Variants in GPHN observed in about 807,000 individuals in gnomAD.
The protein encoded by GPHN is gephyrin.
A neutral mutation model predicts 95.5 loss-of-function variants in GPHN; 17 were observed. The ratio of observed to expected loss-of-function variants is 0.18; its 90% CI spans 0.12 to 0.27. The LOEUF (loss-of-function observed/expected upper bound fraction) is 0.27. Among genes scored for constraint, GPHN ranks in the 10% least tolerant of loss-of-function variants. The pLI is 1.00. For missense variants in GPHN, 660 were observed against 978.1 expected, an observed-to-expected ratio of 0.67 and a Z score of 4.34; for synonymous variants, 320 against 322.5, an observed-to-expected ratio of 0.99 and a Z score of 0.08.
At chr14:66,658,717 A>G (rs1296647845) in intron 1 of GPHN, among the ~76,000 whole-genome samples, 3 of 152,196 alleles carry the variant, frequency 2.0e-5, no homozygotes, top group Non-Finnish European at 4.4e-5. Context: ...GTAGTATAGC[A>G]TAAACATAAC....
chr14:67,186,217 T>C (rs1038106093), downstream of GPHN, among the ~76,000 whole-genome samples: 1 of 151,622 alleles, frequency 6.6e-6, no homozygotes, highest in Non-Finnish European at 1.5e-5. Flanking sequence ...GTCTCAGATA[T>C]CTAAGTGAAG....
At chr14:67,691,261 A>G in the GPHN span, 2 of 1,592,048 alleles carry the variant, frequency 1.3e-6, no homozygotes. Context: ...GGACAAGACG[A>G]TGGAGCGTGG....
intron 1 of GPHN, among the ~76,000 whole-genome samples, chr14:66,561,869 G>A (rs2060265167): frequency 1.3e-5 from 2 of 152,066 alleles, no homozygotes; most frequent in Non-Finnish European, 2.9e-5. Flanking sequence ...CTTTCTGGGG[G>A]CTCGCAGGGA....
intron 3 of GPHN, among the ~76,000 whole-genome samples, chr14:66,816,052 A>G (rs941054721): frequency 3.3e-5 from 5 of 152,220 alleles, no homozygotes; most frequent in African/African-American, 4.8e-5. Flanking sequence ...AAAGGTTAAA[A>G]AAGAAAAAGA....
In GPHN at chr14:66,879,927, C is replaced by G; in HGVS notation, c.295-12C>G. On this transcript the variant is annotated splice_polypyrimidine_tract_variant and intron_variant, in intron 4 of 22. Coordinates refer to ENST00000478722, the MANE Select transcript of GPHN (RefSeq NM_020806.5). ...TATTTCACTCAGTCTGCTATTTAAT[C>G]TTTAATTACAGGCCACAAAAGAAGT... is the stretch of plus-strand genomic sequence containing the variant. The G allele has an allele frequency of 1.3e-6, 2 of 1,570,894 alleles. No homozygotes were observed. Among genetic ancestry groups the G allele is most frequent in the South Asian group, 1.1e-5 (1 of 90,122 alleles).
the GPHN span, among the ~76,000 whole-genome samples, chr14:67,632,808 A>ATTTTTT: frequency 1.8e-4 from 11 of 62,412 alleles, no homozygotes; most frequent in African/African-American, 2.7e-4. Flanking sequence ...AAGCCTCTTA[A>ATTTTTT]TTTTTTTTTT....
chr14:66,783,868 A>G (rs2153465161), intron 3 of GPHN, among the ~76,000 whole-genome samples: 1 of 152,338 alleles, frequency 6.6e-6, no homozygotes, highest in Non-Finnish European at 1.5e-5. Flanking sequence ...AGCTGAACAT[A>G]CATGTCCATA....
chr14:66,888,929 G>A (rs891395114), intron 5 of GPHN, among the ~76,000 whole-genome samples: 27 of 151,984 alleles, frequency 1.8e-4, no homozygotes, highest in African/African-American at 6.5e-4. Flanking sequence ...GAACCATGGT[G>A]GCTATAATAA....
At chr14:67,421,705 G>C in the GPHN span, among the ~76,000 whole-genome samples, 2 of 152,176 alleles carry the variant, frequency 1.3e-5, no homozygotes, top group Non-Finnish European at 2.9e-5. Context: ...CGGAGCCATT[G>C]GTAAGAGCAT....
chr14:67,318,408 A>G, the GPHN span, among the ~76,000 whole-genome samples: 4 of 152,174 alleles, frequency 2.6e-5, no homozygotes, highest in Non-Finnish European at 1.5e-5. Context: ...TTTATCCTCT[A>G]TATTTGTGAT....
chr14:66,700,919 T>TA (rs34677303), intron 2 of GPHN, among the ~76,000 whole-genome samples: 47,618 of 147,600 alleles, frequency 0.32, 11,023 homozygotes, highest in African/African-American at 0.64. Flanking sequence ...AGACACCATC[T>TA]AAAAAAAAAA....
chr14:66,897,819 G>A (rs2064934472), intron 5 of GPHN, among the ~76,000 whole-genome samples: 2 of 152,186 alleles, frequency 1.3e-5, no homozygotes, highest in East Asian at 3.9e-4. Context: ...CATGGCAGTT[G>A]CAGGTTTTCT....
the GPHN span, chr14:67,450,082 AC>A: frequency 6.6e-6 from 1 of 152,488 alleles, no homozygotes; most frequent in Non-Finnish European, 1.4e-5. Flanking sequence ...AAACAAACAA[AC>A]AAAACGGGAG....
At chr14:67,543,998 G>A in the GPHN span, among the ~76,000 whole-genome samples, 2 of 152,136 alleles carry the variant, frequency 1.3e-5, no homozygotes, top group Non-Finnish European at 2.9e-5. Flanking sequence ...TGAAGTTAGA[G>A]TTTTAATATC....
chr14:67,270,642 C>A, the GPHN span: 1 of 148,520 alleles, frequency 6.7e-6, no homozygotes, highest in Non-Finnish European at 1.5e-5. Flanking sequence ...ACTGGGAGGA[C>A]TTTTTCACTT....
chr14:66,614,717 G>A (rs1383712369), intron 1 of GPHN, among the ~76,000 whole-genome samples: 2 of 151,732 alleles, frequency 1.3e-5, no homozygotes, highest in African/African-American at 4.8e-5. Context: ...ACTTCAAGAT[G>A]TTTTATGTAT....
At chr14:67,020,403 G>A (rs1199938663) in intron 9 of GPHN, among the ~76,000 whole-genome samples, 2 of 152,004 alleles carry the variant, frequency 1.3e-5, no homozygotes, top group South Asian at 2.1e-4. Flanking sequence ...TTCTCTAACT[G>A]TATCTAAAGA....
intron 6 of GPHN, among the ~76,000 whole-genome samples, chr14:66,919,773 T>C (rs2066108404): frequency 6.6e-6 from 1 of 152,120 alleles, no homozygotes; most frequent in Non-Finnish European, 1.5e-5. Context: ...GGATTAAAGA[T>C]TAAGTAGATT....
Position 67,003,609 on chromosome 14 carries a change from A to G in GPHN, c.964-20024A>G, listed in dbSNP as rs76110099. ...GGAGGAAACTCTAGAAATTGGGACAAGGACTTCCCCACAGCATCATCAATC... is the reference window on the plus strand; with the variant it reads ...GGAGGAAACTCTAGAAATTGGGACAGGGACTTCCCCACAGCATCATCAATC... On this transcript the variant is annotated intron_variant, in intron 9 of 22. Transcript: ENST00000478722. 1.3e-4 allele frequency among the ~76,000 whole-genome samples: 19 copies of G among 151,820 alleles called. No homozygotes were observed. The East Asian group carries it at 3.7e-3, about 30-fold the overall frequency.
Sources: allele counts gnomAD v4.1 joint callset (sites outside exome capture counted in the v4.1 genomes callset), GRCh38; gene constraint gnomAD v4.1.1; transcripts MANE v1.5; gene names NCBI Gene and HGNC (gene_info 2026-07-23, HGNC 2026-07-21).